The following EPM2A variants were observed in gnomAD, a reference collection of about 807,000 sequenced individuals.
EPM2A encodes the protein EPM2A glucan phosphatase, laforin, also known as laforin.
Under a neutral mutation model 26.5 loss-of-function variants are expected in EPM2A, and 21 were observed. The ratio of observed to expected loss-of-function variants is 0.79; its 90% CI spans 0.56 to 1.14. The LOEUF is 1.14. Among genes scored for constraint, EPM2A ranks in the 50% most tolerant of loss-of-function variants. The pLI is 0.00. For missense variants in EPM2A, 458 were observed against 440.8 expected (o/e 1.04, Z -0.35); for synonymous variants, 217 against 177.6 (o/e 1.22, Z -1.76).
At chr6:145,578,462 A>T (rs1644412149) in intron 2 of EPM2A, among the ~76,000 whole-genome samples, 3 of 152,172 alleles carry the variant, frequency 2.0e-5, no homozygotes. Context: ...AAACTCTCAG[A>T]CAATAGAACC....
At chr6:145,392,813 T>G (rs1364348738) in intron 4 of EPM2A, among the ~76,000 whole-genome samples, 1 of 152,152 alleles carries the variant, frequency 6.6e-6, no homozygotes, top group Non-Finnish European at 1.5e-5. Flanking sequence ...CATGAGGGTT[T>G]GGCACATCCT....
intron 3 of EPM2A, 142 bp downstream of exon 3, chr6:145,635,103 G>T: frequency 1.1e-6 from 1 of 914,646 alleles, no homozygotes. Flanking sequence ...CAAAACATAT[G>T]TATTATATAT....
chr6:145,688,883 G>A (rs144637238), intron 1 of EPM2A, among the ~76,000 whole-genome samples: 1,734 of 152,320 alleles, frequency 0.011, 20 homozygotes, highest in South Asian at 0.02. Flanking sequence ...AATGGAATTG[G>A]ATGGAGGGGA....
At chr6:145,519,961 A>G (rs1253782201) in intron 2 of EPM2A, among the ~76,000 whole-genome samples, 1 of 152,138 alleles carries the variant, frequency 6.6e-6, no homozygotes, top group Non-Finnish European at 1.5e-5. Context: ...CCAGTATAAT[A>G]CAAAATTTTT....
intron 3 of EPM2A, chr6:145,628,789 G>A (rs928791620): frequency 6.6e-6 from 1 of 152,218 alleles, no homozygotes; most frequent in Admixed American, 6.5e-5. Context: ...TTCACCTGGG[G>A]ATCTGCCGTG....
chr6:145,735,147 GC>G, intron 1 of EPM2A, 50 bp downstream of exon 1: 1 of 1,380,424 alleles, frequency 7.2e-7, no homozygotes, highest in Non-Finnish European at 9.7e-7. Flanking sequence ...GGTTGGGGGT[GC>G]GGGCCGGAGC....
At chr6:145,474,882 T>G (rs1779522191) in intron 4 of EPM2A, among the ~76,000 whole-genome samples, 1 of 152,202 alleles carries the variant, frequency 6.6e-6, no homozygotes, top group Non-Finnish European at 1.5e-5. Flanking sequence ...TCATAATCCC[T>G]GGTCATTAGA....
chr6:145,600,270 C>A (rs1268857256), intron 2 of EPM2A, among the ~76,000 whole-genome samples: 1 of 152,150 alleles, frequency 6.6e-6, no homozygotes, highest in African/African-American at 2.4e-5. Context: ...GGCTAGATCT[C>A]AGTCCCCTGC....
intron 2 of EPM2A, among the ~76,000 whole-genome samples, chr6:145,678,002 G>A (rs2128606250): frequency 6.6e-6 from 1 of 152,268 alleles, no homozygotes; most frequent in Admixed American, 6.5e-5. Flanking sequence ...CAAAGCTGGA[G>A]GCATCATGCT....
At chr6:145,536,253 GTTTTT>G (rs1562373800) in intron 2 of EPM2A, among the ~76,000 whole-genome samples, 1 of 59,694 alleles carries the variant, frequency 1.7e-5, no homozygotes, top group African/African-American at 5.2e-5. Context: ...TTGGTTTTTT[GTTTTT>G]GTTTTTGTTT....
chr6:145,648,619 C>CTCCTTCAAAATATCTCTGCTGAA (rs2128575843), intron 2 of EPM2A, among the ~76,000 whole-genome samples: 1 of 152,304 alleles, frequency 6.6e-6, no homozygotes, highest in African/African-American at 2.4e-5. Context: ...TCTTGGAGGT[C>CTCCTTCAAAATATCTCTGCTGAA]TCCTTCAAAA....
At chr6:145,522,856 T>C (rs138883651) in intron 2 of EPM2A, among the ~76,000 whole-genome samples, 4 of 152,152 alleles carry the variant, frequency 2.6e-5, no homozygotes, top group South Asian at 4.2e-4. Context: ...TTTTTATAAC[T>C]CTTTATCTTT....
intron 2 of EPM2A, chr6:145,671,264 C>T (rs1173360242): frequency 1.0e-5 from 11 of 1,049,376 alleles, no homozygotes; most frequent in Admixed American, 5.2e-5. Context: ...TATATACTGG[C>T]CATAAAATAT....
intron 4 of EPM2A, among the ~76,000 whole-genome samples, chr6:145,448,179 C>A (rs1298329334): frequency 6.6e-6 from 1 of 152,028 alleles, no homozygotes; most frequent in African/African-American, 2.4e-5. Flanking sequence ...TTTTCCATTC[C>A]ATTTTTTAAT....
rs2128649334 is a variant in EPM2A at position 145,735,218 on chromosome 6, C to G, written c.281G>C (p.Gly94Ala). ...FWYKFLKREPGGELSWEGNGP... is the reference protein window; with the variant it reads ...FWYKFLKREPAGELSWEGNGP... ...AATACCTTCCCAGGAGAGCTCTCCTCCCGGCTCCCGCTTCAGGAACTTGTA... is the reference window on the plus strand; with the variant it reads ...AATACCTTCCCAGGAGAGCTCTCCTGCCGGCTCCCGCTTCAGGAACTTGTA... Residue 94 changes from glycine (G) to alanine (A), a missense_variant, in exon 1 of 4, where the codon GGA (glycine) becomes GCA (alanine). Transcript: ENST00000367519. 6.5e-7 allele frequency: 1 copy of G among 1,532,316 alleles called. No homozygotes were observed. Among genetic ancestry groups the G allele is most frequent in the Non-Finnish European group, 8.8e-7 (1 of 1,137,956 alleles). 94.9% of individuals were successfully genotyped at this position (1,532,316 alleles called of 1,614,324 possible).
intron 2 of EPM2A, among the ~76,000 whole-genome samples, chr6:145,524,005 A>G (rs1275628743): frequency 2.0e-5 from 3 of 152,114 alleles, no homozygotes; most frequent in Non-Finnish European, 4.4e-5. Flanking sequence ...TGTGAACCCA[A>G]TGCTTAGCTC....
chr6:145,445,258 C>G (rs932971199), intron 4 of EPM2A, among the ~76,000 whole-genome samples: 5 of 152,112 alleles, frequency 3.3e-5, no homozygotes, highest in Non-Finnish European at 7.3e-5. Flanking sequence ...TTTATCACCT[C>G]AGACAGCAGC....
intron 3 of EPM2A, among the ~76,000 whole-genome samples, chr6:145,632,873 G>T (rs1467999799): frequency 2.0e-5 from 3 of 152,214 alleles, no homozygotes; most frequent in African/African-American, 7.2e-5. Context: ...CCCAGGTTAG[G>T]CCAAGCCAAA....
intron 1 of EPM2A, among the ~76,000 whole-genome samples, chr6:145,719,217 CAACCCAA>C: frequency 6.7e-6 from 1 of 150,136 alleles, no homozygotes; most frequent in South Asian, 2.2e-4. Context: ...GACTTGGAAC[CAACCCAA>C]ATGTCCAACA....
Sources: allele counts gnomAD v4.1 joint callset (sites outside exome capture counted in the v4.1 genomes callset), GRCh38; gene constraint gnomAD v4.1.1; transcripts MANE v1.5; gene names NCBI Gene and HGNC (gene_info 2026-07-23, HGNC 2026-07-21).